Variants in KLF8 observed in about 807,000 individuals in gnomAD.
KLF8 encodes KLF transcription factor 8.
KLF8 carries 10 observed loss-of-function variants against 18.2 expected under a neutral mutation model. That is an observed-to-expected ratio of 0.55 (90% CI 0.34 to 0.93). The LOEUF (loss-of-function observed/expected upper bound fraction) is 0.93. Among genes scored for constraint, KLF8 ranks in the 40% least tolerant of loss-of-function variants. The pLI, the probability that KLF8 is intolerant of heterozygous loss-of-function variation, is 0.02. For synonymous variants in KLF8, 109 were observed against 97.3 expected (o/e 1.12, Z -0.71); for missense variants, 264 against 277.9 (o/e 0.95, Z 0.36).
the KLF8 span, among the ~76,000 whole-genome samples, chrX:56,100,427 A>G: frequency 8.9e-6 from 1 of 111,871 alleles, no homozygotes; most frequent in African/African-American, 3.2e-5. Flanking sequence ...CCCGTGGATC[A>G]AAAAGTAATT....
chrX:56,136,327 G>A, the KLF8 span, among the ~76,000 whole-genome samples: 1 of 111,454 alleles, frequency 9.0e-6, no homozygotes, highest in African/African-American at 3.3e-5. Context: ...CAAAACTGGA[G>A]GCATCACACT....
chrX:56,040,800 CTTT>C, the KLF8 span, among the ~76,000 whole-genome samples: 1 of 6,027 alleles, frequency 1.7e-4, no homozygotes, highest in African/African-American at 3.2e-4. Context: ...ATGATACCAG[CTTT>C]TTTTTTTTTT....
At chrX:56,093,905 ATGTGTGTGTGTGTGTGTGTGTGTGTGTG>A in the KLF8 span, among the ~76,000 whole-genome samples, 2,533 of 88,975 alleles carry the variant, frequency 0.028, 101 homozygotes, top group African/African-American at 0.096. Context: ...TATATATTAT[ATGTGTGTGTGTGTGTGTGTGTGTGTGTG>A]TGTGTGTGTG....
chrX:56,265,530 C>T lies in KLF8; in HGVS notation c.432C>T (p.Val144=), dbSNP rs1602450029. 8.3e-7 allele frequency: 1 copy of T among 1,211,468 alleles called. No homozygotes were observed. Among genetic ancestry groups the T allele is most frequent in the African/African-American group, 1.7e-5 (1 of 57,883 alleles). Residue 144 remains valine, a synonymous_variant, in exon 3 of 6, where the codon GTC becomes GTT. Coordinates refer to ENST00000468660, the MANE Select transcript of KLF8 (RefSeq NM_007250.5). ...NIPTVLTPGS[V]LTSSQSTGSQ... Reference sequence around the variant, plus strand: ...CTACTGTTCTGACCCCAGGCTCTGTCCTGACCTCCTCTCAGAGCACTGGTA... The same window carrying T: ...CTACTGTTCTGACCCCAGGCTCTGTTCTGACCTCCTCTCAGAGCACTGGTA...
chrX:56,102,824 C>A, the KLF8 span, among the ~76,000 whole-genome samples: 9 of 110,162 alleles, frequency 8.2e-5, no homozygotes, highest in Non-Finnish European at 1.7e-4. Context: ...CATATGTATA[C>A]ATGTGACATG....
chrX:56,086,565 T>A, the KLF8 span, among the ~76,000 whole-genome samples: 1 of 111,308 alleles, frequency 9.0e-6, no homozygotes, highest in South Asian at 3.8e-4. Context: ...AAAGCTTTTA[T>A]GTTAGTCTAT....
the KLF8 span, among the ~76,000 whole-genome samples, chrX:56,022,454 C>T: frequency 1.1e-4 from 11 of 100,449 alleles, no homozygotes; most frequent in Non-Finnish European, 3.9e-5. Context: ...GAGGCTGAGG[C>T]AGGAGAATGG....
At chrX:56,196,379 G>A in the KLF8 span, among the ~76,000 whole-genome samples, 4 of 110,199 alleles carry the variant, frequency 3.6e-5, no homozygotes, top group East Asian at 2.8e-4. Flanking sequence ...ATAAAGGGAT[G>A]AAGGAAGATT....
the KLF8 span, among the ~76,000 whole-genome samples, chrX:55,938,640 C>A: frequency 2.7e-5 from 3 of 110,779 alleles, no homozygotes; most frequent in Non-Finnish European, 5.7e-5. Flanking sequence ...ATCTCACGTG[C>A]AGAGACACAC....
the KLF8 span, among the ~76,000 whole-genome samples, chrX:56,223,751 G>A: frequency 8.9e-6 from 1 of 112,367 alleles, no homozygotes; most frequent in Non-Finnish European, 1.9e-5. Context: ...GAAAGATGTA[G>A]CCAGGATTTG....
chrX:56,136,252 TTAAAG>T, the KLF8 span, among the ~76,000 whole-genome samples: 4 of 111,120 alleles, frequency 3.6e-5, no homozygotes, highest in African/African-American at 1.3e-4. Context: ...AAAAACTACT[TTAAAG>T]TAAGTTCATA....
the KLF8 span, among the ~76,000 whole-genome samples, chrX:56,122,644 T>C: frequency 3.6e-5 from 4 of 111,584 alleles, no homozygotes; most frequent in Non-Finnish European, 7.5e-5. Flanking sequence ...ATTATTGAAA[T>C]TTTTCATTTG....
At chrX:56,109,940 G>C in the KLF8 span, among the ~76,000 whole-genome samples, 1 of 109,110 alleles carries the variant, frequency 9.2e-6, no homozygotes, top group African/African-American at 3.3e-5. Flanking sequence ...CCCTCCCCCT[G>C]CCCACCCCCA....
chrX:56,136,138 G>A, the KLF8 span, among the ~76,000 whole-genome samples: 7 of 111,586 alleles, frequency 6.3e-5, no homozygotes, highest in Non-Finnish European at 1.3e-4. Context: ...ATGCTCATGG[G>A]TAGGAAGAAT....
chrX:56,274,244 G>T (rs1569190462), intron 5 of KLF8, among the ~76,000 whole-genome samples: 1 of 112,044 alleles, frequency 8.9e-6, no homozygotes, highest in Non-Finnish European at 1.9e-5. Context: ...TCTCATTGTA[G>T]TTTTGATTTA....
rs753173611 is a variant in KLF8, at chrX:56,233,282, C to T, written c.-53C>T. 8.3e-7 allele frequency: 1 copy of T among 1,204,039 alleles called. No individual in the cohort carries two copies. The highest frequency in any genetic ancestry group is 1.1e-6 in the Non-Finnish European group (1 of 889,091). ...TTGCGATCAGCTCAGGAGTATGAGCCTCCCGGAGGACGGCATGAGTTCTGG... is the reference window on the plus strand; with the variant it reads ...TTGCGATCAGCTCAGGAGTATGAGCTTCCCGGAGGACGGCATGAGTTCTGG... On this transcript the variant is annotated 5_prime_UTR_variant, in exon 1 of 6. Transcript: ENST00000468660.
the KLF8 span, among the ~76,000 whole-genome samples, chrX:56,226,957 G>A: frequency 8.9e-6 from 1 of 112,600 alleles, no homozygotes; most frequent in Non-Finnish European, 1.9e-5. Context: ...ACAAAGGACA[G>A]AGGAAATGAA....
chrX:55,937,062 G>A, the KLF8 span, among the ~76,000 whole-genome samples: 5 of 111,446 alleles, frequency 4.5e-5, no homozygotes, highest in Non-Finnish European at 9.4e-5. Context: ...CTCAGAGAAC[G>A]GGCAGACTGC....
the KLF8 span, among the ~76,000 whole-genome samples, chrX:56,184,304 G>A: frequency 8.9e-6 from 1 of 112,311 alleles, no homozygotes; most frequent in Non-Finnish European, 1.9e-5. Flanking sequence ...CTGCAAGGCG[G>A]GAGTGAGCCT....
Sources: gnomAD v4.1 joint callset for allele counts (sites outside exome capture counted in the v4.1 genomes callset) on GRCh38, gnomAD v4.1.1 for gene constraint, MANE v1.5 for transcripts, NCBI Gene and HGNC (gene_info 2026-07-23, HGNC 2026-07-21) for gene names.